PRKCZ: variants seen among roughly 807,000 people sequenced by gnomAD.
The protein encoded by PRKCZ is protein kinase C zeta type.
In PRKCZ, 33 loss-of-function variants were observed where a neutral mutation model predicts 79.5. The ratio of observed to expected loss-of-function variants is 0.41; its 90% CI spans 0.31 to 0.55. PRKCZ has a LOEUF of 0.55. Among genes scored for constraint, PRKCZ ranks in the 20% least tolerant of loss-of-function variants. The pLI, the probability that PRKCZ is intolerant of heterozygous loss-of-function variation, is 0.19. For synonymous variants in PRKCZ, 342 were observed against 320.9 expected (o/e 1.07, Z -0.70); for missense variants, 578 against 813.5 (o/e 0.71, Z 3.52).
intron 1 of PRKCZ, among the ~76,000 whole-genome samples, chr1:2,051,260 C>A (rs1318994085): frequency 1.3e-5 from 2 of 152,146 alleles, no homozygotes; most frequent in African/African-American, 4.8e-5. Context: ...GTCGCACCCG[C>A]CCCCCGGAGG....
At position 2,050,719 on chromosome 1, in the gene PRKCZ, C is replaced by T; in HGVS notation, c.71+18C>T. On this transcript the variant is annotated intron_variant, in intron 1 of 17. Coordinates refer to ENST00000378567, the MANE Select transcript of PRKCZ (RefSeq NM_002744.6). ...TACGGGGGGTGAGCGGCGGAGAGGG[C>T]GGGGAGCGGCGCGGGTGAGGCAGGG... 2 of 590,576 alleles carry T rather than the reference C, an allele frequency of 3.4e-6. No homozygotes were observed. Among genetic ancestry groups the T allele is most frequent in the South Asian group, 7.7e-5 (1 of 12,930 alleles). The allele number at this position is 590,576 out of a possible 1,614,324, so 36.6% of individuals were successfully genotyped here.
intron 9 of PRKCZ, among the ~76,000 whole-genome samples, chr1:2,154,506 G>T (rs1190705079): frequency 6.6e-6 from 1 of 152,164 alleles, no homozygotes; most frequent in Non-Finnish European, 1.5e-5. Context: ...ACTTCCGGGA[G>T]TGGGGGCAGG....
intron 9 of PRKCZ, 21 bp from the exon 10 acceptor site, chr1:2,155,974 A>G (rs199636449): frequency 6.2e-7 from 1 of 1,607,014 alleles, no homozygotes; most frequent in East Asian, 2.2e-5. Context: ...CCTCATTACC[A>G]CTCCCTGGTT....
chr1:2,180,003 G>A (rs993443240), intron 16 of PRKCZ, among the ~76,000 whole-genome samples: 1 of 152,230 alleles, frequency 6.6e-6, no homozygotes, highest in Non-Finnish European at 1.5e-5. Context: ...GGTTATGGGA[G>A]ACGTGGAGCA....
chr1:2,050,228 AACAGGTAGCCCCGCCCG>A (rs942867015), upstream of PRKCZ, among the ~76,000 whole-genome samples: 13 of 151,426 alleles, frequency 8.6e-5, no homozygotes, highest in East Asian at 3.9e-4. Flanking sequence ...CGCCCCGCCC[AACAGGTAGCCCCGCCCG>A]ACAGGTAGCC....
At chr1:2,141,880 T>C in intron 5 of PRKCZ, 1 of 319,352 alleles carries the variant, frequency 3.1e-6, no homozygotes, top group Admixed American at 4.7e-5. Context: ...AGTGCCTCCT[T>C]TCACTCCAGG....
At chr1:2,060,710 C>T (rs753455991) in intron 4 of PRKCZ, among the ~76,000 whole-genome samples, 25 of 152,278 alleles carry the variant, frequency 1.6e-4, no homozygotes, top group Non-Finnish European at 2.6e-4. Flanking sequence ...AGGAATGGAG[C>T]GGGTGGTCTG....
At chr1:2,171,260 G>A (rs888425453) in intron 11 of PRKCZ, among the ~76,000 whole-genome samples, 3 of 149,392 alleles carry the variant, frequency 2.0e-5, no homozygotes, top group Non-Finnish European at 4.4e-5. Flanking sequence ...GGAGAATGGC[G>A]TGAACCTGTG....
In PRKCZ at chr1:2,149,031, G is replaced by T; in HGVS notation, c.687+107G>T. On this transcript the variant is annotated intron_variant, in intron 8 of 17. Coordinates refer to ENST00000378567, the MANE Select transcript of PRKCZ (RefSeq NM_002744.6). This position sits in a 1 kb window ranked among gnomAD's most constrained non-coding sequence, Gnocchi z 4.1. The stretch of plus-strand genomic sequence containing the variant: ...TCTAGATGTGAAATAGACATGGTCC[G>T]GGGTGTTGCTAACTAATCTTCACGG... 1 of 1,264,016 alleles carries T rather than the reference G, an allele frequency of 7.9e-7. No homozygotes were observed. The highest frequency in any genetic ancestry group is 1.1e-6 in the Non-Finnish European group (1 of 880,432). 78.3% of individuals were successfully genotyped at this position (1,264,016 alleles called of 1,614,324 possible).
intron 1 of PRKCZ, 129 bp from the exon 2 acceptor site, chr1:2,055,312 G>T: frequency 8.8e-7 from 1 of 1,138,660 alleles, no homozygotes; most frequent in Non-Finnish European, 1.2e-6. Context: ...GGGAGGGGGT[G>T]GGGCTGTCAT....
intron 1 of PRKCZ, among the ~76,000 whole-genome samples, chr1:2,053,321 G>A (rs908235744): frequency 1.3e-5 from 2 of 152,104 alleles, no homozygotes; most frequent in East Asian, 1.9e-4. Context: ...GGCTGGTCTC[G>A]AACTTCTGAC....
chr1:2,116,320 T>C (rs1247920701), intron 4 of PRKCZ: 1 of 152,222 alleles, frequency 6.6e-6, no homozygotes, highest in African/African-American at 2.4e-5. Flanking sequence ...GGTGAGCTGC[T>C]TCTCCGAGGC....
At chr1:2,123,973 CACG>C (rs1673192541) in intron 4 of PRKCZ, among the ~76,000 whole-genome samples, 2 of 27,834 alleles carry the variant, frequency 7.2e-5, no homozygotes, top group African/African-American at 3.3e-4. Flanking sequence ...TGGTTAGGGT[CACG>C]GCGGTGGTTA....
Position 2,172,255 on chromosome 1 carries a change from G to T in PRKCZ, c.1198-46G>T. On this transcript the variant is annotated intron_variant, in intron 12 of 17. Transcript: ENST00000378567. The surrounding 1 kb of genome is among the most constrained non-coding windows in gnomAD (Gnocchi z 7.8). Reference sequence around the variant, plus strand: ...TGCGTCTCGGGGCGCCTGTCCCGCGGGGTAGTGTCTACAAGAACCCTCTCC... The same window carrying T: ...TGCGTCTCGGGGCGCCTGTCCCGCGTGGTAGTGTCTACAAGAACCCTCTCC... The T allele has an allele frequency of 1.9e-6, 3 of 1,613,416 alleles. No individual in the cohort carries two copies. The highest frequency in any genetic ancestry group is 2.5e-6 in the Non-Finnish European group (3 of 1,179,992).
At chr1:2,068,550 G>A (rs1180683683) in intron 4 of PRKCZ, among the ~76,000 whole-genome samples, 1 of 152,254 alleles carries the variant, frequency 6.6e-6, no homozygotes, top group Non-Finnish European at 1.5e-5. Flanking sequence ...TTCACCTTGA[G>A]ACCTGGCCTT....
Position 2,168,940 on chromosome 1 carries a change from G to A in PRKCZ, c.975-578G>A, listed in dbSNP as rs1683859015. On this transcript the variant is annotated intron_variant, in intron 10 of 17. Transcript: ENST00000378567. This position sits in a 1 kb window ranked among gnomAD's most constrained non-coding sequence, Gnocchi z 4.7. The stretch of plus-strand genomic sequence containing the variant: ...AGTCCCTGAGACGGGAAGGGCCTGC[G>A]TGGTCCTGATGACATCTGCGGATCT... The A allele has an allele frequency of 5.9e-6, 2 of 338,722 alleles. No homozygotes were observed. Among genetic ancestry groups the A allele is most frequent in the Middle Eastern group, 3.9e-4 (1 of 2,540 alleles). 21.0% of individuals were successfully genotyped at this position (338,722 alleles called of 1,614,324 possible).
intron 11 of PRKCZ, among the ~76,000 whole-genome samples, chr1:2,171,193 A>G (rs1557732666): frequency 6.6e-6 from 1 of 151,672 alleles, no homozygotes; most frequent in South Asian, 2.1e-4. Context: ...AATACAAAAA[A>G]TTATCCAGGT....
At chr1:2,092,910 G>A (rs187311482) in intron 4 of PRKCZ, among the ~76,000 whole-genome samples, 8 of 152,258 alleles carry the variant, frequency 5.3e-5, no homozygotes, top group Admixed American at 3.3e-4. Flanking sequence ...CAGTCCCAGC[G>A]GACACATCTC....
In PRKCZ at chr1:2,177,753, C is replaced by T. The variant is rs146058594; in HGVS notation, c.1575+2440C>T. Among the ~76,000 whole-genome samples the T allele has an allele frequency of 0.013, 1,930 of 152,324 alleles. 20 individuals carry two copies. Among genetic ancestry groups the T allele is most frequent in the Non-Finnish European group, 0.02 (1,380 of 68,032 alleles). ...CCCTGGCTTCCCACCTGGGTCCCAC[C>T]ACTGCAGAATCACCCCCGTGGCTGC... On this transcript the variant is annotated intron_variant, in intron 16 of 17. Transcript: ENST00000378567. The surrounding 1 kb of genome is among the most constrained non-coding windows in gnomAD (Gnocchi z 6.4).
Sources: allele counts gnomAD v4.1 joint callset (sites outside exome capture counted in the v4.1 genomes callset), GRCh38; gene constraint gnomAD v4.1.1; non-coding constraint Gnocchi (gnomAD v3.1); transcripts MANE v1.5; gene names NCBI Gene and HGNC (gene_info 2026-07-23, HGNC 2026-07-21).